FHIP1A: variants seen among roughly 807,000 people sequenced by gnomAD.
FHIP1A encodes the protein FHF complex subunit HOOK interacting protein 1A.
Under a neutral mutation model 88.6 loss-of-function variants are expected in FHIP1A, and 61 were observed. The ratio of observed to expected loss-of-function variants is 0.69; its 90% CI spans 0.56 to 0.85. The LOEUF is 0.85. Ranked by LOEUF, FHIP1A falls within the 40% of genes least tolerant of loss-of-function variation. The probability of loss-of-function intolerance (pLI) is 0.00; values close to 1 mark genes in which losing one functional copy is unlikely to be tolerated. For synonymous variants in FHIP1A, 478 were observed against 496.0 expected (o/e 0.96, Z 0.48); for missense variants, 1,154 against 1,273.5 (o/e 0.91, Z 1.43).
chr4:151,659,916 C>T (rs1737390454), intron 13 of FHIP1A, among the ~76,000 whole-genome samples: 2 of 152,244 alleles, frequency 1.3e-5, no homozygotes, highest in African/African-American at 4.8e-5. Context: ...CTCTGAGATT[C>T]AGCCACTTGC....
intron 3 of FHIP1A, among the ~76,000 whole-genome samples, chr4:151,497,711 C>T (rs1052221298): frequency 5.3e-5 from 8 of 152,130 alleles, no homozygotes; most frequent in African/African-American, 1.9e-4. Flanking sequence ...ACAGAAAGGC[C>T]CCCAGCAACA....
chr4:151,537,245 G>A (rs1036524457), intron 3 of FHIP1A, among the ~76,000 whole-genome samples: 1 of 151,964 alleles, frequency 6.6e-6, no homozygotes, highest in African/African-American at 2.4e-5. Flanking sequence ...TTACCAGCAA[G>A]TGATCTAGTA....
At chr4:151,529,687 A>G (rs1445789158) in intron 3 of FHIP1A, among the ~76,000 whole-genome samples, 1 of 152,154 alleles carries the variant, frequency 6.6e-6, no homozygotes, top group Non-Finnish European at 1.5e-5. Context: ...TGGGCAGGGA[A>G]TGCATCACAG....
chr4:151,655,470 G>A (rs946104555), intron 11 of FHIP1A, among the ~76,000 whole-genome samples: 3 of 152,106 alleles, frequency 2.0e-5, no homozygotes, highest in Admixed American at 1.3e-4. Context: ...TAAAATGACT[G>A]CTTTTGTAGT....
chr4:151,476,762 A>G (rs1264077917), intron 2 of FHIP1A, among the ~76,000 whole-genome samples: 2 of 152,210 alleles, frequency 1.3e-5, no homozygotes, highest in Admixed American at 1.3e-4. Flanking sequence ...TAAAATAAAA[A>G]GCTAATTACG....
chr4:151,627,196 A>C (rs902324507), intron 7 of FHIP1A, among the ~76,000 whole-genome samples: 1 of 152,218 alleles, frequency 6.6e-6, no homozygotes, highest in Non-Finnish European at 1.5e-5. Flanking sequence ...AGCATGTTAT[A>C]TAAATGCTGT....
At chr4:151,450,764 TTTTC>T (rs1290668858) in intron 1 of FHIP1A, among the ~76,000 whole-genome samples, 2 of 152,220 alleles carry the variant, frequency 1.3e-5, no homozygotes, top group East Asian at 3.9e-4. Flanking sequence ...TCTTTGTTAA[TTTTC>T]TTTCTTTATC....
chr4:151,512,331 ATGGG>A (rs1378446249), intron 3 of FHIP1A, among the ~76,000 whole-genome samples: 1 of 152,230 alleles, frequency 6.6e-6, no homozygotes, highest in African/African-American at 2.4e-5. Context: ...AACCACAAAG[ATGGG>A]GAAAAAACAG....
intron 9 of FHIP1A, 58 bp downstream of exon 9, chr4:151,638,814 T>C: frequency 1.1e-6 from 1 of 939,640 alleles, no homozygotes; most frequent in South Asian, 1.7e-5. Context: ...TTATATTACT[T>C]TATATTCATA....
At chr4:151,465,045 A>G (rs2126606206) in intron 2 of FHIP1A, among the ~76,000 whole-genome samples, 1 of 152,184 alleles carries the variant, frequency 6.6e-6, no homozygotes, top group East Asian at 1.9e-4. Flanking sequence ...TGCCTCTACA[A>G]AATGTTTTAA....
At chr4:151,517,257 A>T (rs1277182964) in intron 3 of FHIP1A, among the ~76,000 whole-genome samples, 4 of 151,740 alleles carry the variant, frequency 2.6e-5, no homozygotes, top group Admixed American at 1.3e-4. Flanking sequence ...AACAATGAGA[A>T]CACATGGACA....
rs200101650 is a variant in FHIP1A at position 151,643,308 on chromosome 4, T to TTTTTCTTC, written c.1227-3243_1227-3242insCTTTTCTT. ...TTAAAGATACAGCAGAACCACTGCTTTTTTCTTTTCTTTTGAAAATTGATG... is the reference window on the plus strand; with the variant it reads ...TTAAAGATACAGCAGAACCACTGCTTTTTTCTTCTTTTCTTTTCTTTTGAAAATTGATG... On this transcript the variant is annotated intron_variant, in intron 9 of 13. Transcript: ENST00000435205. 3.2e-3 allele frequency among the ~76,000 whole-genome samples: 489 copies of TTTTTCTTC among 152,230 alleles called. 4 individuals are homozygous for TTTTTCTTC. The highest frequency in any genetic ancestry group is 0.011 in the African/African-American group (475 of 41,554).
At chr4:151,445,027 C>T (rs1006870811) in intron 1 of FHIP1A, among the ~76,000 whole-genome samples, 5 of 152,102 alleles carry the variant, frequency 3.3e-5, no homozygotes, top group Non-Finnish European at 5.9e-5. Context: ...TGCCCCCTAC[C>T]TCAGATGCCA....
intron 3 of FHIP1A, among the ~76,000 whole-genome samples, chr4:151,511,271 T>A (rs2126677718): frequency 6.6e-6 from 1 of 152,320 alleles, no homozygotes; most frequent in South Asian, 2.1e-4. Context: ...GGGGTAGAGT[T>A]AAAATATTCA....
intron 2 of FHIP1A, among the ~76,000 whole-genome samples, chr4:151,472,515 A>G (rs1476630376): frequency 1.3e-5 from 2 of 152,212 alleles, no homozygotes; most frequent in East Asian, 3.9e-4. Flanking sequence ...AACAAATATT[A>G]ATAGAAACAC....
chr4:151,454,483 C>G (rs2126587567), intron 1 of FHIP1A, among the ~76,000 whole-genome samples: 1 of 152,214 alleles, frequency 6.6e-6, no homozygotes, highest in East Asian at 1.9e-4. Context: ...AAGTTTGTTA[C>G]CTTTTTCCCT....
rs1293067613 is a variant in FHIP1A, at chr4:151,625,107, G to C, written c.979-4595G>C. 2.6e-5 allele frequency among the ~76,000 whole-genome samples: 4 copies of C among 152,224 alleles called. No individual in the cohort carries two copies. In the South Asian group the frequency reaches 8.3e-4, roughly 32 times the overall value. On this transcript the variant is annotated intron_variant, in intron 7 of 13. Transcript: ENST00000435205. ...CTCTCTGGCAGCAGCGGGTAGGCTCGTAGCCTGTGTTCCCTGTTAAGACCC... is the reference window on the plus strand; with the variant it reads ...CTCTCTGGCAGCAGCGGGTAGGCTCCTAGCCTGTGTTCCCTGTTAAGACCC...
chr4:151,646,800 C>A, intron 10 of FHIP1A, 52 bp downstream of exon 10: 1 of 1,295,902 alleles, frequency 7.7e-7, no homozygotes, highest in Non-Finnish European at 1.1e-6. Context: ...AGTTCCATCT[C>A]GCCTTGGGAT....
chr4:151,456,765 T>A (rs1488294182), intron 2 of FHIP1A, among the ~76,000 whole-genome samples: 1 of 152,138 alleles, frequency 6.6e-6, no homozygotes, highest in African/African-American at 2.4e-5. Flanking sequence ...TTTGATTGCA[T>A]TTACATTGGA....
Sources: gnomAD v4.1 joint callset for allele counts (sites outside exome capture counted in the v4.1 genomes callset) on GRCh38, gnomAD v4.1.1 for gene constraint, MANE v1.5 for transcripts, NCBI Gene and HGNC (gene_info 2026-07-23, HGNC 2026-07-21) for gene names.